The following ARMC8 variants were observed in gnomAD, a reference collection of about 807,000 sequenced individuals.
ARMC8 encodes the protein armadillo repeat-containing protein 8.
A neutral mutation model predicts 99.3 loss-of-function variants in ARMC8; 20 were observed. That is an observed-to-expected ratio of 0.20 (90% CI 0.14 to 0.29). The LOEUF (loss-of-function observed/expected upper bound fraction) is 0.29. ARMC8 is among the 10% of genes least tolerant of loss of function. The pLI is 1.00. For synonymous variants in ARMC8, 263 were observed against 278.3 expected, an observed-to-expected ratio of 0.95 and a Z score of 0.55; for missense variants, 569 against 809.5, an observed-to-expected ratio of 0.70 and a Z score of 3.60.
chr3:138,265,198 C>G (rs1486373288), intron 14 of ARMC8, among the ~76,000 whole-genome samples: 13 of 152,002 alleles, frequency 8.6e-5, no homozygotes, highest in Admixed American at 8.5e-4. Context: ...ATGCCTGACC[C>G]CTGGATATTT....
intron 1 of ARMC8, chr3:138,187,829 C>G: frequency 1.8e-6 from 1 of 562,684 alleles, no homozygotes; most frequent in Non-Finnish European, 3.2e-6. Context: ...GTGCGGGTTC[C>G]CAGGATGGCG....
At chr3:138,232,733 T>C (rs1468478749) in intron 6 of ARMC8, among the ~76,000 whole-genome samples, 1 of 152,240 alleles carries the variant, frequency 6.6e-6, no homozygotes, top group African/African-American at 2.4e-5. Context: ...TATAGTATTC[T>C]ACCATTTGTA....
intron 12 of ARMC8, among the ~76,000 whole-genome samples, chr3:138,250,015 A>C (rs2047051145): frequency 6.6e-6 from 1 of 152,214 alleles, no homozygotes; most frequent in African/African-American, 2.4e-5. Flanking sequence ...GAAAACATGA[A>C]CTCTTAAGTT....
At chr3:138,246,417 T>G in intron 12 of ARMC8, 1 of 985,618 alleles carries the variant, frequency 1.0e-6, no homozygotes, top group East Asian at 1.1e-4. Flanking sequence ...TATATATGAT[T>G]TATGGATGTT....
intron 19 of ARMC8, among the ~76,000 whole-genome samples, chr3:138,288,465 C>T (rs975774197): frequency 6.6e-6 from 1 of 152,234 alleles, no homozygotes; most frequent in East Asian, 1.9e-4. Context: ...TTTGTTTGTC[C>T]AGCCAGATGG....
intron 17 of ARMC8, 61 bp downstream of exon 17, chr3:138,273,177 G>GCT (rs746523506): frequency 2.2e-4 from 326 of 1,495,040 alleles, no homozygotes; most frequent in Non-Finnish European, 1.8e-4. Context: ...GCAAGACATT[G>GCT]CTCTCTCTCT....
intron 21 of ARMC8, among the ~76,000 whole-genome samples, chr3:138,293,873 C>T (rs2051218266): frequency 6.6e-6 from 1 of 152,192 alleles, no homozygotes; most frequent in African/African-American, 2.4e-5. Context: ...AGCCTGCTTG[C>T]TTAGACCACT....
chr3:138,229,171 TA>T (rs2045888121), intron 6 of ARMC8, 161 bp downstream of exon 6: 1 of 44,588 alleles, frequency 2.2e-5, no homozygotes, highest in African/African-American at 6.7e-5. Context: ...TATATATATA[TA>T]TATATATATA....
chr3:138,232,628 G>A (rs2046113738), intron 6 of ARMC8, among the ~76,000 whole-genome samples: 1 of 152,158 alleles, frequency 6.6e-6, no homozygotes, highest in Non-Finnish European at 1.5e-5. Flanking sequence ...ATATAATAGA[G>A]TAAGGCCAAC....
chr3:138,222,499 A>T (rs1408963903), intron 3 of ARMC8, among the ~76,000 whole-genome samples: 2 of 152,198 alleles, frequency 1.3e-5, no homozygotes, highest in Admixed American at 1.3e-4. Context: ...TGATGACCTA[A>T]TAAGCTTCCT....
rs574263976 is a variant in ARMC8, at chr3:138,267,376, G to A, written c.1386+135G>A. ...TTCGGAATTGTTTGATTGCATAGCG[G>A]TAGGGGTGTGCAAATAAATCATTCA... On this transcript the variant is annotated intron_variant, in intron 15 of 21. Coordinates refer to ENST00000469044, the MANE Select transcript of ARMC8 (RefSeq NM_001363941.2). 1.9e-5 allele frequency: 10 copies of A among 517,550 alleles called. No individual in the cohort carries two copies. The East Asian group carries it at 3.1e-4, about 16-fold the overall frequency. 32.1% of individuals were successfully genotyped at this position (517,550 alleles called of 1,614,324 possible).
intron 2 of ARMC8, among the ~76,000 whole-genome samples, chr3:138,220,734 G>T (rs1369448297): frequency 7.1e-6 from 1 of 140,790 alleles, no homozygotes. Flanking sequence ...CTGTCACCCT[G>T]ACTGGGGTGC....
At chr3:138,214,348 ATT>A (rs879828687) in intron 2 of ARMC8, among the ~76,000 whole-genome samples, 1 of 145,608 alleles carries the variant, frequency 6.9e-6, no homozygotes, top group African/African-American at 2.5e-5. Context: ...GAATCATGTG[ATT>A]TTTTTTTTTT....
chr3:138,235,864 T>A (rs2108147455), intron 7 of ARMC8, among the ~76,000 whole-genome samples: 1 of 150,376 alleles, frequency 6.6e-6, no homozygotes, highest in African/African-American at 2.4e-5. Context: ...GGAGTGCGGT[T>A]GCACGATCTT....
intron 12 of ARMC8, chr3:138,262,684 A>T (rs1038006091): frequency 3.6e-4 from 210 of 582,840 alleles, no homozygotes; most frequent in Non-Finnish European, 4.5e-4. Context: ...ACATAGGATT[A>T]AAAAAAAAAA....
chr3:138,252,705 C>G (rs1166568979), intron 12 of ARMC8, among the ~76,000 whole-genome samples: 1 of 136,414 alleles, frequency 7.3e-6, no homozygotes, highest in Non-Finnish European at 1.6e-5. Flanking sequence ...CCACCCGCCT[C>G]GGCCTTCCAA....
intron 21 of ARMC8, among the ~76,000 whole-genome samples, chr3:138,293,402 G>A (rs1167275064): frequency 6.6e-6 from 1 of 152,194 alleles, no homozygotes; most frequent in African/African-American, 2.4e-5. Context: ...AGCAGGGCAT[G>A]GTAGTACGTG....
chr3:138,248,900 A>T (rs1203447791), intron 12 of ARMC8, among the ~76,000 whole-genome samples: 3 of 152,204 alleles, frequency 2.0e-5, no homozygotes, highest in African/African-American at 7.2e-5. Context: ...TGTAACCTTC[A>T]TTCCCCTGGG....
intron 6 of ARMC8, among the ~76,000 whole-genome samples, chr3:138,230,698 G>A (rs750952181): frequency 1.3e-4 from 20 of 152,158 alleles, no homozygotes; most frequent in Non-Finnish European, 2.2e-4. Context: ...GTTGAACAGA[G>A]CACAGCATCT....
Sources: allele counts gnomAD v4.1 joint callset (sites outside exome capture counted in the v4.1 genomes callset), GRCh38; gene constraint gnomAD v4.1.1; transcripts MANE v1.5; gene names NCBI Gene and HGNC (gene_info 2026-07-23, HGNC 2026-07-21).